Variants in EHBP1 observed in about 807,000 individuals in gnomAD.
EHBP1 encodes the protein EH domain-binding protein 1.
EHBP1 carries 55 observed loss-of-function variants against 144.0 expected under a neutral mutation model. The observed-to-expected ratio is 0.38, with a 90% confidence interval of 0.31 to 0.48. The LOEUF is 0.48. Among genes scored for constraint, EHBP1 ranks in the 20% least tolerant of loss-of-function variants. The pLI is 0.98. For synonymous variants in EHBP1, 469 were observed against 472.7 expected, an observed-to-expected ratio of 0.99 and a Z score of 0.10; for missense variants, 1,200 against 1,364.2, an observed-to-expected ratio of 0.88 and a Z score of 1.90.
At chr2:63,011,255 C>G (rs1482980616) in intron 19 of EHBP1, among the ~76,000 whole-genome samples, 1 of 150,492 alleles carries the variant, frequency 6.6e-6, no homozygotes, top group Non-Finnish European at 1.5e-5. Context: ...TTAATTTATT[C>G]TAACTACAAT....
chr2:62,993,803 T>C (rs1314692057), intron 17 of EHBP1, 68 bp from the exon 18 acceptor site: 3 of 1,282,002 alleles, frequency 2.3e-6, no homozygotes, highest in African/African-American at 3.0e-5. Flanking sequence ...TAATGTAAAT[T>C]CACATTTCAA....
intron 2 of EHBP1, among the ~76,000 whole-genome samples, chr2:62,728,795 A>G (rs902190442): frequency 6.6e-6 from 1 of 151,826 alleles, no homozygotes; most frequent in African/African-American, 2.4e-5. Context: ...TGTTACTTGT[A>G]CTTTTGGTGT....
At chr2:62,801,534 T>C (rs1411481309) in intron 5 of EHBP1, among the ~76,000 whole-genome samples, 2 of 152,242 alleles carry the variant, frequency 1.3e-5, no homozygotes, top group South Asian at 2.1e-4. Context: ...TTGATCAACA[T>C]TTAAAAATAC....
At chr2:62,890,642 A>C (rs2052379651) in intron 10 of EHBP1, among the ~76,000 whole-genome samples, 1 of 152,196 alleles carries the variant, frequency 6.6e-6, no homozygotes, top group African/African-American at 2.4e-5. Context: ...TTTTGGGCCA[A>C]GACTGCGGTG....
intron 12 of EHBP1, among the ~76,000 whole-genome samples, chr2:62,944,211 G>T (rs2056935166): frequency 1.3e-5 from 2 of 152,178 alleles, no homozygotes; most frequent in African/African-American, 4.8e-5. Flanking sequence ...ATGAGAACGA[G>T]AGCCTAATGG....
chr2:62,836,468 A>G (rs1434251991), intron 7 of EHBP1, among the ~76,000 whole-genome samples: 1 of 141,026 alleles, frequency 7.1e-6, no homozygotes, highest in African/African-American at 2.7e-5. Flanking sequence ...GTTCCTCACC[A>G]GCAACGGAAC....
At chr2:62,920,690 T>C (rs1258167085) in intron 10 of EHBP1, among the ~76,000 whole-genome samples, 1 of 151,810 alleles carries the variant, frequency 6.6e-6, no homozygotes, top group Admixed American at 6.6e-5. Flanking sequence ...TGAGACAGAG[T>C]CTCTCTGTGT....
At chr2:62,802,879 C>T (rs1327388962) in intron 5 of EHBP1, among the ~76,000 whole-genome samples, 2 of 152,050 alleles carry the variant, frequency 1.3e-5, no homozygotes, top group Admixed American at 6.5e-5. Context: ...TGTGCACCAC[C>T]ACGCCCAACT....
intron 1 of EHBP1, among the ~76,000 whole-genome samples, chr2:62,693,968 G>A (rs921035544): frequency 6.6e-6 from 1 of 151,918 alleles, no homozygotes; most frequent in African/African-American, 2.4e-5. Context: ...TGTTGCTCTT[G>A]CTTTTGTTAC....
chr2:62,858,595 A>G, intron 7 of EHBP1: 1 of 872,004 alleles, frequency 1.1e-6, no homozygotes, highest in South Asian at 1.6e-5. Context: ...GTCTGTATTT[A>G]TCTGTCAGTT....
intron 7 of EHBP1, among the ~76,000 whole-genome samples, chr2:62,831,427 A>G (rs982964129): frequency 1.3e-5 from 2 of 152,322 alleles, no homozygotes. Flanking sequence ...ATCTGGTCAT[A>G]CTTATTTTGT....
At chr2:62,923,562 G>A (rs1379884958) in intron 10 of EHBP1, among the ~76,000 whole-genome samples, 4 of 152,148 alleles carry the variant, frequency 2.6e-5, no homozygotes, top group Non-Finnish European at 5.9e-5. Context: ...GGTCATCCAA[G>A]CAGCTTTGCA....
At chr2:62,957,641 C>CTTTTTTTTTTTTTTTTTTTTTTT (rs1157397512) in intron 14 of EHBP1, among the ~76,000 whole-genome samples, 4 of 87,174 alleles carry the variant, frequency 4.6e-5, no homozygotes, top group African/African-American at 1.5e-4. Flanking sequence ...AAAATAAATG[C>CTTTTTTTTTTTTTTTTTTTTTTT]TTTTTTTTTT....
At chr2:62,852,837 T>A (rs991574510) in intron 7 of EHBP1, among the ~76,000 whole-genome samples, 2 of 152,162 alleles carry the variant, frequency 1.3e-5, no homozygotes, top group African/African-American at 4.8e-5. Context: ...TTCTACCTAC[T>A]GAGAAATTAG....
At chr2:62,765,299 C>T (rs1172924023) in intron 4 of EHBP1, among the ~76,000 whole-genome samples, 1 of 151,970 alleles carries the variant, frequency 6.6e-6, no homozygotes, top group Non-Finnish European at 1.5e-5. Context: ...TAAAATTATT[C>T]TTTGGTAAAA....
intron 10 of EHBP1, among the ~76,000 whole-genome samples, chr2:62,924,553 G>C (rs1237641162): frequency 6.6e-6 from 1 of 152,086 alleles, no homozygotes; most frequent in African/African-American, 2.4e-5. Flanking sequence ...AAATACAGAA[G>C]ATTATTAGAG....
chr2:63,003,327 A>G (rs1251945428), intron 19 of EHBP1, among the ~76,000 whole-genome samples: 1 of 152,114 alleles, frequency 6.6e-6, no homozygotes, highest in South Asian at 2.1e-4. Flanking sequence ...TTTTAGATTA[A>G]TAGGCATGCA....
At chr2:62,958,327 A>T (rs1334908480) in intron 14 of EHBP1, among the ~76,000 whole-genome samples, 1 of 152,252 alleles carries the variant, frequency 6.6e-6, no homozygotes, top group Non-Finnish European at 1.5e-5. Flanking sequence ...GTCCATCACC[A>T]GACAAATGAA....
intron 12 of EHBP1, among the ~76,000 whole-genome samples, chr2:62,945,700 G>A (rs1412588825): frequency 6.6e-6 from 1 of 152,084 alleles, no homozygotes; most frequent in Non-Finnish European, 1.5e-5. Context: ...CAGTGAGCTA[G>A]CATCATGCCA....
Sources: gnomAD v4.1 joint callset for allele counts (sites outside exome capture counted in the v4.1 genomes callset) on GRCh38, gnomAD v4.1.1 for gene constraint, MANE v1.5 for transcripts, NCBI Gene and HGNC (gene_info 2026-07-23, HGNC 2026-07-21) for gene names.